PLCB4: variants seen among roughly 807,000 people sequenced by gnomAD.
The protein encoded by PLCB4 is 1-phosphatidylinositol 4,5-bisphosphate phosphodiesterase beta-4.
Under a neutral mutation model 178.8 loss-of-function variants are expected in PLCB4, and 77 were observed. That is an observed-to-expected ratio of 0.43 (90% CI 0.36 to 0.52). PLCB4 has a LOEUF of 0.52. Among genes scored for constraint, PLCB4 ranks in the 20% least tolerant of loss-of-function variants. The probability of loss-of-function intolerance (pLI) is 0.00; values close to 1 mark genes in which losing one functional copy is unlikely to be tolerated. For missense variants in PLCB4, 1,024 were observed against 1,453.4 expected (o/e 0.70, Z 4.80); for synonymous variants, 496 against 490.8 (o/e 1.01, Z -0.14).
intron 1 of PLCB4, among the ~76,000 whole-genome samples, chr20:9,084,813 T>TA (rs988898002): frequency 5.3e-5 from 8 of 151,978 alleles, no homozygotes; most frequent in African/African-American, 1.7e-4. Flanking sequence ...TTGCTTTAAA[T>TA]AAAAAAAGAA....
At chr20:9,420,309 G>A (rs557351512) in intron 26 of PLCB4, among the ~76,000 whole-genome samples, 1 of 152,156 alleles carries the variant, frequency 6.6e-6, no homozygotes, top group Non-Finnish European at 1.5e-5. Flanking sequence ...GTGCTCATAT[G>A]TCCCAACTGA....
At chr20:9,473,428 A>G in intron 38 of PLCB4, 63 bp downstream of exon 38, 2 of 905,580 alleles carry the variant, frequency 2.2e-6, no homozygotes, top group African/African-American at 3.3e-5. Context: ...TACACATGCC[A>G]TGGCCCACAG....
chr20:9,182,539 A>G (rs1600957734), intron 2 of PLCB4, among the ~76,000 whole-genome samples: 1 of 152,214 alleles, frequency 6.6e-6, no homozygotes, highest in South Asian at 2.1e-4. Context: ...TACTGAGTGC[A>G]TGGATGGGTG....
chr20:9,114,068 G>A (rs2091693029), intron 2 of PLCB4, among the ~76,000 whole-genome samples: 1 of 152,062 alleles, frequency 6.6e-6, no homozygotes, highest in Non-Finnish European at 1.5e-5. Flanking sequence ...ACAAAAATTA[G>A]CTGGGTGTGG....
At chr20:9,379,162 G>A (rs533521706) in intron 12 of PLCB4, among the ~76,000 whole-genome samples, 100 of 152,084 alleles carry the variant, frequency 6.6e-4, no homozygotes, top group Admixed American at 1.4e-3. Flanking sequence ...CTAATCCTCA[G>A]TGAACAGAAA....
chr20:9,390,488 T>TCC (rs770806659), intron 16 of PLCB4, 43 bp from the exon 17 acceptor site: 1 of 918,758 alleles, frequency 1.1e-6, no homozygotes, highest in Admixed American at 1.7e-5. Flanking sequence ...CTTGGACGGT[T>TCC]AATGGGTGTT....
Position 9,162,334 on chromosome 20 carries a change from G to A in PLCB4, c.-78-55056G>A, listed in dbSNP as rs73609443. Among the ~76,000 whole-genome samples, 973 of 152,288 alleles carry A rather than the reference G, an allele frequency of 6.4e-3. 7 individuals carry two copies. Among genetic ancestry groups the A allele is most frequent in the African/African-American group, 0.021 (864 of 41,572 alleles). On this transcript the variant is annotated intron_variant, in intron 2 of 39. Coordinates refer to ENST00000378473, the MANE Select transcript of PLCB4 (RefSeq NM_001377142.1). ...CCATAGACTTTTGGAGGAAAAGGAA[G>A]CAAAATGTGGCGATTTGTGTATGTT...
chr20:9,397,625 G>A (rs754594109), intron 19 of PLCB4, among the ~76,000 whole-genome samples: 40 of 152,196 alleles, frequency 2.6e-4, no homozygotes, highest in Non-Finnish European at 4.9e-4. Context: ...ACTCCTGACT[G>A]TGGAACAGAC....
chr20:9,296,877 A>G lies in PLCB4; in HGVS notation c.-15-10923A>G, dbSNP rs929179518. 7.5e-4 allele frequency among the ~76,000 whole-genome samples: 114 copies of G among 152,284 alleles called. 1 individual carries two copies. The highest frequency in any genetic ancestry group is 2.7e-3 in the African/African-American group (112 of 41,568). ...CTGTTGTGGGGTTGGGGGAGGGGGA[A>G]GGGATAGCATTAGGAGATATACCTA... is the stretch of plus-strand genomic sequence containing the variant. On this transcript the variant is annotated intron_variant, in intron 3 of 39. Coordinates refer to ENST00000378473, the MANE Select transcript of PLCB4 (RefSeq NM_001377142.1).
At chr20:9,389,852 C>T in intron 15 of PLCB4, 27 bp from the exon 16 acceptor site, 1 of 1,326,088 alleles carries the variant, frequency 7.5e-7, no homozygotes, top group South Asian at 1.2e-5. Flanking sequence ...TCTTTTCTCT[C>T]ATTAACGTTT....
chr20:9,317,782 A>T (rs770762504), intron 4 of PLCB4, among the ~76,000 whole-genome samples: 2 of 152,232 alleles, frequency 1.3e-5, no homozygotes, highest in Non-Finnish European at 2.9e-5. Context: ...AGCTGCACAA[A>T]GAAAGAACAT....
rs1366944878 is a variant in PLCB4, at chr20:9,181,676, T to C, written c.-78-35714T>C. On this transcript the variant is annotated intron_variant, in intron 2 of 39. Transcript: ENST00000378473. ...TTTTATAATGCTGTAAATCCCATCATACAGGCCCCATCCTCATGACCTAAT... is the reference window on the plus strand; with the variant it reads ...TTTTATAATGCTGTAAATCCCATCACACAGGCCCCATCCTCATGACCTAAT... Among the ~76,000 whole-genome samples the C allele has an allele frequency of 7.2e-5, 11 of 152,252 alleles. No homozygotes were observed. In the East Asian group the frequency reaches 2.1e-3, roughly 29 times the overall value.
intron 1 of PLCB4, among the ~76,000 whole-genome samples, chr20:9,072,851 A>T (rs1339511802): frequency 2.0e-5 from 3 of 152,168 alleles, no homozygotes; most frequent in Non-Finnish European, 2.9e-5. Flanking sequence ...CCCTGCATGC[A>T]CTTCGTCTAC....
At chr20:9,405,798 G>A (rs1424807260) in intron 21 of PLCB4, among the ~76,000 whole-genome samples, 1 of 152,124 alleles carries the variant, frequency 6.6e-6, no homozygotes, top group African/African-American at 2.4e-5. Context: ...CCTCTTCAAA[G>A]TTCTTCAAGT....
In PLCB4 at chr20:9,444,231, G is replaced by T. The variant is rs754791708; in HGVS notation, c.2868G>T (p.Lys956Asn). 3 of 1,595,256 alleles carry T rather than the reference G, an allele frequency of 1.9e-6. No homozygotes were observed. The highest frequency in any genetic ancestry group is 2.6e-6 in the Non-Finnish European group (3 of 1,163,606). The change falls in exon 32 of 40, where the codon AAG (lysine) becomes AAT (asparagine). Residue 956 changes from lysine to asparagine, a missense_variant. Lys to Asn is a moderately conservative substitution (Grantham distance 94). Coordinates refer to ENST00000378473, the MANE Select transcript of PLCB4 (RefSeq NM_001377142.1). Reference sequence around the variant, plus strand: ...AGAAGGAGCTAAATTCTTTAAAGAAGAAACATGCAAAGGTACAGTGCTCTA... The same window carrying T: ...AGAAGGAGCTAAATTCTTTAAAGAATAAACATGCAAAGGTACAGTGCTCTA... ...KQQKELNSLK[K>N]KHAKEHSTMQ...
At chr20:9,149,515 T>C (rs2092655431) in intron 2 of PLCB4, among the ~76,000 whole-genome samples, 1 of 152,336 alleles carries the variant, frequency 6.6e-6, no homozygotes, top group South Asian at 2.1e-4. Flanking sequence ...ACTTCCCTCC[T>C]GATTTGCTTC....
In PLCB4 at chr20:9,390,466, G is replaced by T; in HGVS notation, c.1239-65G>T. Reference sequence around the variant, plus strand: ...AGAATCTTTAATTGCCTAGTAATGGGTGTTTCTTATTCTTGGACGGTTAAT... The same window carrying T: ...AGAATCTTTAATTGCCTAGTAATGGTTGTTTCTTATTCTTGGACGGTTAAT... On this transcript the variant is annotated intron_variant, in intron 16 of 39. Coordinates refer to ENST00000378473, the MANE Select transcript of PLCB4 (RefSeq NM_001377142.1). The T allele has an allele frequency of 6.8e-6, 5 of 738,470 alleles. No homozygotes were observed. The East Asian group carries it at 7.6e-5, about 11-fold the overall frequency. 45.7% of individuals were successfully genotyped at this position (738,470 alleles called of 1,614,324 possible). A position where few individuals can be genotyped will look rare whatever the true frequency, so the allele number is the denominator to read the frequency against.
chr20:9,466,387 T>A (rs2043785844), intron 35 of PLCB4, among the ~76,000 whole-genome samples: 1 of 152,134 alleles, frequency 6.6e-6, no homozygotes, highest in Admixed American at 6.6e-5. Context: ...AAGGACTTCA[T>A]GACTAAAACA....
chr20:9,294,083 A>G (rs1015029353), intron 3 of PLCB4, among the ~76,000 whole-genome samples: 1 of 152,090 alleles, frequency 6.6e-6, no homozygotes, highest in Admixed American at 6.6e-5. Flanking sequence ...TCCTCAGCTC[A>G]TTTGTCAATT....
Sources: gnomAD v4.1 joint callset for allele counts (sites outside exome capture counted in the v4.1 genomes callset) on GRCh38, gnomAD v4.1.1 for gene constraint, MANE v1.5 for transcripts, NCBI Gene and HGNC (gene_info 2026-07-23, HGNC 2026-07-21) for gene names.